CPNE6: variants seen among roughly 807,000 people sequenced by gnomAD.
CPNE6 encodes the protein copine 6.
CPNE6 carries 33 observed loss-of-function variants against 71.5 expected under a neutral mutation model. The ratio of observed to expected loss-of-function variants is 0.46; its 90% CI spans 0.35 to 0.62. The LOEUF (loss-of-function observed/expected upper bound fraction) is 0.62. Ranked by LOEUF, CPNE6 falls within the 20% of genes least tolerant of loss-of-function variation. The pLI is 0.00. For synonymous variants in CPNE6, 296 were observed against 293.0 expected (o/e 1.01, Z -0.10); for missense variants, 576 against 747.3 (o/e 0.77, Z 2.67).
rs1479694679 is a variant in CPNE6, at chr14:24,075,863, G to A, written c.901G>A (p.Gly301Ser). The A allele has an allele frequency of 6.2e-7, 1 of 1,613,918 alleles. No homozygotes were observed. Among genetic ancestry groups the A allele is most frequent in the African/African-American group, 1.3e-5 (1 of 74,898 alleles). ...GCACACCTTCCTGGATTACATCATG[G>A]GTGGCTGCCAGATCAGCTTCACGGT... Residue 301 changes from glycine to serine, a missense_variant, in exon 11 of 18, where the codon GGT becomes AGT. Transcript: ENST00000397016. This position sits in a 1 kb window ranked among gnomAD's most constrained non-coding sequence, Gnocchi z 4.3.
At position 24,077,667 on chromosome 14, in the gene CPNE6, G is replaced by C. The variant is rs894918901; in HGVS notation, c.1611G>C (p.Gln537His). The change falls in exon 17 of 18, where the codon CAG (glutamine) becomes CAC (histidine). Residue 537 changes from glutamine (Q) to histidine (H), a missense_variant. This residue lies in a region of CPNE6 where 264 missense variants were observed against 339.9 expected (regional missense o/e 0.78). Coordinates refer to ENST00000397016, the Ensembl canonical transcript of CPNE6. The surrounding 1 kb of genome is among the most constrained non-coding windows in gnomAD (Gnocchi z 6.1). The stretch of plus-strand genomic sequence containing the variant: ...AGGTGGTGGAGTACTACGCCAGCCA[G>C]GGCATCAGCCCTGGGGCTCCCAGGC... 6.3e-7 allele frequency: 1 copy of C among 1,594,232 alleles called. No individual in the cohort carries two copies. The highest frequency in any genetic ancestry group is 8.5e-7 in the Non-Finnish European group (1 of 1,169,982).
chr14:24,076,921 A>G, exon 15 of CPNE6: 2 of 1,613,436 alleles, frequency 1.2e-6, no homozygotes, highest in Non-Finnish European at 8.5e-7. Context: ...TGCCTGCCCC[A>G]GATCCAGCTC....
At chr14:24,076,610 A>C (rs1314890364) in intron 14 of CPNE6, 53 bp downstream of exon 13, 2 of 1,607,014 alleles carry the variant, frequency 1.2e-6, no homozygotes, top group Admixed American at 3.3e-5. Flanking sequence ...CACTCCACAC[A>C]GGAGCACAGA....
At chr14:24,076,198 C>A in exon 12 of CPNE6, 1 of 1,614,126 alleles carries the variant, frequency 6.2e-7, no homozygotes, top group South Asian at 1.1e-5. Flanking sequence ...AGCAGCCAGT[C>A]CCTGCACTGC....
intron 1 of CPNE6, 51 bp from the exon 1 acceptor site, chr14:24,071,501 GCCCCCCCCCA>G: frequency 7.1e-7 from 1 of 1,416,576 alleles, no homozygotes; most frequent in Non-Finnish European, 9.3e-7. Context: ...CTGGTGCTGC[GCCCCCCCCCA>G]CCCCTCCCCA....
At chr14:24,071,502 C>T (rs1425369079) in intron 1 of CPNE6, 60 bp from the exon 1 acceptor site, 1 of 447,722 alleles carries the variant, frequency 2.2e-6, no homozygotes, top group African/African-American at 2.7e-5. Flanking sequence ...TGGTGCTGCG[C>T]CCCCCCCCAC....
chr14:24,071,585 G>C (rs1358441761), exon 2 of CPNE6: 3 of 1,375,132 alleles, frequency 2.2e-6, no homozygotes, highest in Admixed American at 2.1e-5. Context: ...GGAGCAGCAA[G>C]GGAGTCAGGG....
Position 24,075,100 on chromosome 14 carries a change from G to T in CPNE6, c.673-72G>T, listed in dbSNP as rs932344986. 2 of 1,092,248 alleles carry T rather than the reference G, an allele frequency of 1.8e-6. No homozygotes were observed. Among genetic ancestry groups the T allele is most frequent in the African/African-American group, 1.5e-5 (1 of 64,904 alleles). 67.7% of individuals were successfully genotyped at this position (1,092,248 alleles called of 1,614,324 possible). ...CCAAGTCCCCCTACTCCAAGTCCCC[G>T]AGTCCCCCTACTCACCGTGAATACC... is the stretch of plus-strand genomic sequence containing the variant. On this transcript the variant is annotated intron_variant, in intron 8 of 17. Transcript: ENST00000397016. This position sits in a 1 kb window ranked among gnomAD's most constrained non-coding sequence, Gnocchi z 4.3.
intron 1 of CPNE6, chr14:24,071,212 T>C (rs1211624308): frequency 3.0e-6 from 3 of 990,398 alleles, no homozygotes; most frequent in African/African-American, 3.2e-5. Flanking sequence ...CTGGCGCCTG[T>C]GTGTGTCAAG....
rs746679288 is a variant in CPNE6 at position 24,077,201 on chromosome 14, G to A, written c.1347G>A (p.Met449Ile). The change falls in exon 16 of 18, where the codon ATG (methionine) becomes ATA (isoleucine). Residue 449 changes from methionine (M) to isoleucine (I), a missense_variant. Transcript: ENST00000397016. This position sits in a 1 kb window ranked among gnomAD's most constrained non-coding sequence, Gnocchi z 6.1. ...TCACTGACGGTGTGGTGAGCGACAT[G>A]GCTGAGACTCGCACTGCTATCGTGC... 3.1e-6 allele frequency: 5 copies of A among 1,610,560 alleles called. No individual in the cohort carries two copies. In the East Asian group the frequency reaches 1.1e-4, roughly 36 times the overall value.
Position 24,073,487 on chromosome 14 carries a change from C to T in CPNE6, c.169-12C>T. On this transcript the variant is annotated splice_polypyrimidine_tract_variant and intron_variant, in intron 3 of 17. Coordinates refer to ENST00000397016, the Ensembl canonical transcript of CPNE6. This position sits in a 1 kb window ranked among gnomAD's most constrained non-coding sequence, Gnocchi z 5.5. Reference sequence around the variant, plus strand: ...CCAGACAGCCCTCGCCTCCCTTCAACCACTACCACAGGTAGAGCGCACAGA... The same window carrying T: ...CCAGACAGCCCTCGCCTCCCTTCAATCACTACCACAGGTAGAGCGCACAGA... 6.2e-7 allele frequency: 1 copy of T among 1,610,812 alleles called. No homozygotes were observed. The highest frequency in any genetic ancestry group is 8.5e-7 in the Non-Finnish European group (1 of 1,178,456).
At position 24,075,049 on chromosome 14, in the gene CPNE6, C is replaced by G; in HGVS notation, c.673-123C>G. On this transcript the variant is annotated intron_variant, in intron 8 of 17. Transcript: ENST00000397016. The surrounding 1 kb of genome is among the most constrained non-coding windows in gnomAD (Gnocchi z 4.3). ...GCCTCTCCGGGCAGGCTGAGGATGT[C>G]TGTTTGGGCATGGAGACTCTAAGGC... 1.2e-6 allele frequency: 1 copy of G among 806,898 alleles called. No homozygotes were observed. The highest frequency in any genetic ancestry group is 1.5e-5 in the South Asian group (1 of 65,506). 50.0% of individuals were successfully genotyped at this position (806,898 alleles called of 1,614,324 possible). A position where few individuals can be genotyped will look rare whatever the true frequency, so the allele number is the denominator to read the frequency against.
intron 2 of CPNE6, chr14:24,072,679 C>T (rs1295832814): frequency 2.7e-6 from 1 of 373,652 alleles, no homozygotes. Context: ...CACCCCAATC[C>T]TTCAGCCCTC....
Position 24,073,164 on chromosome 14 carries a change from C to T in CPNE6, c.168+60C>T, listed in dbSNP as rs749204910. On this transcript the variant is annotated intron_variant, in intron 3 of 17. Transcript: ENST00000397016. The surrounding 1 kb of genome is among the most constrained non-coding windows in gnomAD (Gnocchi z 5.5). Reference sequence around the variant, plus strand: ...GGGTTAAGCTTGGGAAAGAGGGAGGCTGGGTGGGAGCAGTGAAAGCCTTGC... The same window carrying T: ...GGGTTAAGCTTGGGAAAGAGGGAGGTTGGGTGGGAGCAGTGAAAGCCTTGC... The T allele has an allele frequency of 1.4e-6, 2 of 1,394,984 alleles. No individual in the cohort carries two copies. Among genetic ancestry groups the T allele is most frequent in the Non-Finnish European group, 1.9e-6 (2 of 1,072,460 alleles). 86.4% of individuals were successfully genotyped at this position (1,394,984 alleles called of 1,614,324 possible).
At position 24,074,253 on chromosome 14, in the gene CPNE6, AGG is replaced by A. The variant is rs958181644; in HGVS notation, c.424-37_424-36del. The A allele has an allele frequency of 1.4e-5, 23 of 1,597,950 alleles. No individual in the cohort carries two copies. In the African/African-American group the frequency reaches 1.9e-4, roughly 13 times the overall value. On this transcript the variant is annotated intron_variant, in intron 5 of 17. Transcript: ENST00000397016. The surrounding 1 kb of genome is among the most constrained non-coding windows in gnomAD (Gnocchi z 4.5). Reference sequence around the variant, plus strand: ...AGGGGATGGGGTGGCCCTTGTGGTAAGGTTAGGGGAGTCCTGCCACTTGTATC... The same window carrying A: ...AGGGGATGGGGTGGCCCTTGTGGTAATTAGGGGAGTCCTGCCACTTGTATC...
chr14:24,076,529 C>T (rs1394370768), exon 14 of CPNE6: 2 of 1,614,058 alleles, frequency 1.2e-6, no homozygotes, highest in Admixed American at 3.3e-5. Context: ...TTGCTATCAA[C>T]TTTGACCCGG....
rs1175551127 is a variant in CPNE6 at position 24,074,247 on chromosome 14, G to A, written c.424-44G>A. ...AGGGAAAGGGGATGGGGTGGCCCTT[G>A]TGGTAAGGTTAGGGGAGTCCTGCCA... On this transcript the variant is annotated intron_variant, in intron 5 of 17. Coordinates refer to ENST00000397016, the Ensembl canonical transcript of CPNE6. The surrounding 1 kb of genome is among the most constrained non-coding windows in gnomAD (Gnocchi z 4.5). 2 of 1,605,286 alleles carry A rather than the reference G, an allele frequency of 1.2e-6. No homozygotes were observed. The highest frequency in any genetic ancestry group is 2.2e-5 in the South Asian group (2 of 90,754).
chr14:24,077,948 G>GC lies in CPNE6; in HGVS notation c.*103dup. ...TGCCTCCACCTCTTGGACCAGGTGTGCCCCCTGGGTTCTGGACGTGAGTGG... is the reference window on the plus strand; with the variant it reads ...TGCCTCCACCTCTTGGACCAGGTGTGCCCCCCTGGGTTCTGGACGTGAGTGG... On this transcript the variant is annotated 3_prime_UTR_variant, in exon 18 of 18. Transcript: ENST00000397016. This position sits in a 1 kb window ranked among gnomAD's most constrained non-coding sequence, Gnocchi z 6.1. 1 of 473,046 alleles carries GC rather than the reference G, an allele frequency of 2.1e-6. No individual in the cohort carries two copies. Among genetic ancestry groups the GC allele is most frequent in the East Asian group, 3.3e-5 (1 of 30,654 alleles). 29.3% of individuals were successfully genotyped at this position (473,046 alleles called of 1,614,324 possible). A position where few individuals can be genotyped will look rare whatever the true frequency, so the allele number is the denominator to read the frequency against.
intron 13 of CPNE6, 35 bp downstream of exon 12, chr14:24,076,449 G>C (rs2036066494): frequency 1.2e-6 from 2 of 1,614,090 alleles, no homozygotes; most frequent in Non-Finnish European, 1.7e-6. Flanking sequence ...GGAGATGGGG[G>C]GCGTGTCAGT....
Sources: allele counts gnomAD v4.1 joint callset, GRCh38; gene constraint gnomAD v4.1.1; regional missense constraint gnomAD v4.1.1; non-coding constraint Gnocchi (gnomAD v3.1); transcripts MANE v1.5; gene names NCBI Gene and HGNC (gene_info 2026-07-23, HGNC 2026-07-21).